The following PANK2 variants were observed in gnomAD, a reference collection of about 807,000 sequenced individuals.
PANK2 encodes pantothenate kinase 2, mitochondrial.
A neutral mutation model predicts 43.1 loss-of-function variants in PANK2; 36 were observed. That is an observed-to-expected ratio of 0.84 (90% CI 0.64 to 1.10). The LOEUF (loss-of-function observed/expected upper bound fraction) is 1.10, where lower values mean the gene tolerates loss of function less well. Ranked by LOEUF, PANK2 falls within the 50% of genes least tolerant of loss-of-function variation. The pLI, the probability that PANK2 is intolerant of heterozygous loss-of-function variation, is 0.00. For synonymous variants in PANK2, 281 were observed against 238.2 expected (o/e 1.18, Z -1.66); for missense variants, 576 against 593.3 (o/e 0.97, Z 0.30).
At chr20:3,910,303 T>TG (rs1555788172) in intron 2 of PANK2, among the ~76,000 whole-genome samples, 2 of 150,632 alleles carry the variant, frequency 1.3e-5, no homozygotes, top group Non-Finnish European at 3.0e-5. Flanking sequence ...TGGTTTTTTT[T>TG]TTTTGTTTTT....
At chr20:3,901,469 T>C in intron 1 of PANK2, 1 of 331,692 alleles carries the variant, frequency 3.0e-6, no homozygotes, top group South Asian at 1.2e-4. Context: ...CCTCTAAATT[T>C]TGACACATTT....
intron 1 of PANK2, among the ~76,000 whole-genome samples, chr20:3,895,174 T>A (rs2090184823): frequency 6.6e-6 from 1 of 152,056 alleles, no homozygotes; most frequent in South Asian, 2.1e-4. Context: ...CTCAGGACGC[T>A]GAGGCAGGAG....
chr20:3,910,777 T>G lies in PANK2; in HGVS notation c.852T>G (p.Val284=). ...TTCTGGTGAACATTGGCTCAGGGGT[T>G]AGCATCTTAGCAGTATATTCCAAAG... is the stretch of plus-strand genomic sequence containing the variant. The change falls in exon 3 of 7, where the codon GTT becomes GTG. Residue 284 remains valine (V), a synonymous_variant. Coordinates refer to ENST00000610179, the MANE Select transcript of PANK2 (RefSeq NM_001386393.1). The G allele has an allele frequency of 6.2e-7, 1 of 1,614,164 alleles. No homozygotes were observed. Among genetic ancestry groups the G allele is most frequent in the Non-Finnish European group, 8.5e-7 (1 of 1,180,002 alleles).
rs11471571 is a variant in PANK2, at chr20:3,926,940, C to CAAAAA, written c.*3663_*3667dup. The CAAAAA allele has an allele frequency of 2.7e-3, 298 of 108,382 alleles. 4 individuals carry two copies. Among genetic ancestry groups the CAAAAA allele is most frequent in the Middle Eastern group, 4.9e-3 (1 of 204 alleles). 6.7% of individuals were successfully genotyped at this position (108,382 alleles called of 1,614,324 possible). On this transcript the variant is annotated 3_prime_UTR_variant, in exon 7 of 7. Transcript: ENST00000610179. ...AGCCTGGGTGACAGCAAGACTGTCT[C>CAAAAA]AAAAAAAAAAAAAAAAAAAAATCCG...
chr20:3,890,038 C>G, intron 1 of PANK2: 1 of 855,812 alleles, frequency 1.2e-6, no homozygotes, highest in Non-Finnish European at 1.7e-6. Flanking sequence ...TGATTTTATC[C>G]TCGAGAAGGC....
At chr20:3,914,787 T>C (rs955532445) in intron 4 of PANK2, among the ~76,000 whole-genome samples, 4 of 151,790 alleles carry the variant, frequency 2.6e-5, no homozygotes, top group African/African-American at 9.7e-5. Context: ...TTTCTGTAAT[T>C]TTAGTAGAGA....
chr20:3,910,874 C>T (rs775939212), intron 3 of PANK2, 44 bp downstream of exon 3: 29 of 1,610,742 alleles, frequency 1.8e-5, no homozygotes, highest in Non-Finnish European at 2.3e-5. Flanking sequence ...AGTATCCTAA[C>T]GGGCTGAGTT....
At chr20:3,900,717 TTG>T (rs1286379751) in intron 1 of PANK2, among the ~76,000 whole-genome samples, 1 of 151,988 alleles carries the variant, frequency 6.6e-6, no homozygotes, top group Non-Finnish European at 1.5e-5. Context: ...TTTGACCTAT[TTG>T]TGATTACTGA....
chr20:3,910,936 T>G, intron 3 of PANK2, 106 bp downstream of exon 3: 1 of 1,373,366 alleles, frequency 7.3e-7, no homozygotes. Flanking sequence ...GTGAAAGTGT[T>G]TCTGGATTAT....
rs1220094456 is a variant in PANK2, at chr20:3,916,918, C to G, written c.1083-9C>G. 2 of 1,613,704 alleles carry G rather than the reference C, an allele frequency of 1.2e-6. No homozygotes were observed. Among genetic ancestry groups the G allele is most frequent in the South Asian group, 1.1e-5 (1 of 91,074 alleles). On this transcript the variant is annotated splice_polypyrimidine_tract_variant and intron_variant, in intron 4 of 6. Coordinates refer to ENST00000610179, the MANE Select transcript of PANK2 (RefSeq NM_001386393.1). ...GTTTAGCAATGGGATTTTTTTTCCC[C>G]CATCACAGCTTTGGAAACATGATGA...
intron 1 of PANK2, among the ~76,000 whole-genome samples, chr20:3,905,373 C>T (rs548634703): frequency 8.1e-5 from 11 of 136,030 alleles, no homozygotes; most frequent in South Asian, 2.3e-4. Flanking sequence ...TTTTTTGAGA[C>T]GGAGTCTCGC....
rs1484466597 is a variant in PANK2 at position 3,910,585 on chromosome 20, T to A, written c.660T>A (p.Asp220Glu). 2 of 1,614,054 alleles carry A rather than the reference T, an allele frequency of 1.2e-6. No individual in the cohort carries two copies. ...TTCTTATTTCATTACAGATAGGTGA[T>A]CTTCAGCTTTGCAAACTGGATGAAC... The change falls in exon 3 of 7, where the codon GAT becomes GAA. Residue 220 changes from aspartate to glutamate, a missense_variant. This residue lies in a region of PANK2 where 544 missense variants were observed against 528.9 expected (regional missense o/e 1.03). Coordinates refer to ENST00000610179, the MANE Select transcript of PANK2 (RefSeq NM_001386393.1).
chr20:3,905,503 C>T (rs963718258), intron 1 of PANK2, among the ~76,000 whole-genome samples: 9 of 151,656 alleles, frequency 5.9e-5, no homozygotes, highest in Non-Finnish European at 1.3e-4. Context: ...CCCGCCACCA[C>T]GCCCGGCTAA....
Position 3,923,629 on chromosome 20 carries a change from G to T in PANK2, c.*335G>T. 2.6e-6 allele frequency: 1 copy of T among 389,114 alleles called. No individual in the cohort carries two copies. Among genetic ancestry groups the T allele is most frequent in the Non-Finnish European group, 4.8e-6 (1 of 210,048 alleles). 24.1% of individuals were successfully genotyped at this position (389,114 alleles called of 1,614,324 possible). A position where few individuals can be genotyped will look rare whatever the true frequency, so the allele number is the denominator to read the frequency against. On this transcript the variant is annotated 3_prime_UTR_variant, in exon 7 of 7. Transcript: ENST00000610179. Reference sequence around the variant, plus strand: ...GAGCTGCTCTGTGTTCAGTTGACTGGTTTTGTGTCCTGTTTGAACTTGCTG... The same window carrying T: ...GAGCTGCTCTGTGTTCAGTTGACTGTTTTTGTGTCCTGTTTGAACTTGCTG...
At chr20:3,923,086 GTC>G (rs1404381510) in intron 6 of PANK2, among the ~76,000 whole-genome samples, 156 bp from the exon 7 acceptor site, 1 of 152,204 alleles carries the variant, frequency 6.6e-6, no homozygotes, top group African/African-American at 2.4e-5. Context: ...TCCTTAGGGC[GTC>G]TCTGCTCCCA....
Position 3,889,402 on chromosome 20 carries a change from C to G in PANK2, c.-29C>G, listed in dbSNP as rs573948434. Reference sequence around the variant, plus strand: ...GCGCGCCTCTGCTCTGGCTGGACTGCCGCGGAGGAGGCGAGAAGGAATCCG... The same window carrying G: ...GCGCGCCTCTGCTCTGGCTGGACTGGCGCGGAGGAGGCGAGAAGGAATCCG... On this transcript the variant is annotated 5_prime_UTR_variant, in exon 1 of 7. Transcript: ENST00000610179. 3.9e-5 allele frequency: 61 copies of G among 1,572,350 alleles called. No individual in the cohort carries two copies. The highest frequency in any genetic ancestry group is 1.7e-4 in the Middle Eastern group (1 of 6,002).
At chr20:3,889,915 G>C (rs930451953) in intron 1 of PANK2, 187 bp downstream of exon 1, 91 of 1,530,870 alleles carry the variant, frequency 5.9e-5, no homozygotes, top group Non-Finnish European at 7.3e-5. Flanking sequence ...ACCTTCGGGG[G>C]CCCCCCCGCA....
chr20:3,913,998 C>G (rs1251159875), intron 4 of PANK2, among the ~76,000 whole-genome samples: 1 of 151,440 alleles, frequency 6.6e-6, no homozygotes, highest in Non-Finnish European at 1.5e-5. Flanking sequence ...ACTATGTTGG[C>G]CAGGATGGTC....
intron 2 of PANK2, among the ~76,000 whole-genome samples, chr20:3,910,028 A>G (rs946508912): frequency 6.6e-6 from 1 of 152,208 alleles, no homozygotes; most frequent in Non-Finnish European, 1.5e-5. Context: ...CTCCCTCCCA[A>G]GAGGCTGTAG....
Sources: allele counts gnomAD v4.1 joint callset (sites outside exome capture counted in the v4.1 genomes callset), GRCh38; gene constraint gnomAD v4.1.1; regional missense constraint gnomAD v4.1.1; transcripts MANE v1.5; gene names NCBI Gene and HGNC (gene_info 2026-07-23, HGNC 2026-07-21).